MAP3K2: variants seen among roughly 807,000 people sequenced by gnomAD.
The protein encoded by MAP3K2 is mitogen-activated protein kinase kinase kinase 2.
Under a neutral mutation model 80.3 loss-of-function variants are expected in MAP3K2, and 24 were observed. The observed-to-expected ratio is 0.30, with a 90% CI of 0.22 to 0.42. The LOEUF (loss-of-function observed/expected upper bound fraction) is 0.42. MAP3K2 is among the 10% of genes least tolerant of loss of function. MAP3K2 has a pLI of 1.00. For synonymous variants in MAP3K2, 244 were observed against 253.7 expected (o/e 0.96, Z 0.36); for missense variants, 608 against 750.1 (o/e 0.81, Z 2.21).
chr2:127,364,716 T>C lies in MAP3K2; in HGVS notation c.-65-21522A>G, dbSNP rs537667868. On this transcript the variant is annotated intron_variant, in intron 1 of 16. Coordinates refer to ENST00000682094, the MANE Select transcript of MAP3K2 (RefSeq NM_001371910.2). The surrounding 1 kb of genome is among the most constrained non-coding windows in gnomAD (Gnocchi z 4.1). ...ACAATAACCTCAAATATAGGAACTA[T>C]GTCTTCTACTTTATTCTGCACTCAT... is the stretch of plus-strand genomic sequence containing the variant. 2.6e-5 allele frequency among the ~76,000 whole-genome samples: 4 copies of C among 152,344 alleles called. No individual in the cohort carries two copies. Among genetic ancestry groups the C allele is most frequent in the Non-Finnish European group, 4.4e-5 (3 of 68,034 alleles).
intron 5 of MAP3K2, among the ~76,000 whole-genome samples, chr2:127,335,073 T>A (rs1686338873): frequency 6.6e-6 from 1 of 152,210 alleles, no homozygotes; most frequent in Non-Finnish European, 1.5e-5. Context: ...TGGCCTACTT[T>A]ATGCATTTCT....
rs1685946917 is a variant in MAP3K2 at position 127,318,249 on chromosome 2, G to A, written c.1114C>T (p.Leu372Phe). Residue 372 changes from leucine (L) to phenylalanine (F), a missense_variant, in exon 13 of 17, where the codon CTC becomes TTC. Leu to Phe is a conservative substitution (Grantham distance 22). Transcript: ENST00000682094. The part of the protein sequence containing the change: ...LGQGAFGRVY[L>F]CYDVDTGREL... ...CTTCCTGTATCAACATCATAACAGA[G>A]GTAGACCCTTCCAAAGGCTCCTTGG... is the stretch of plus-strand genomic sequence containing the variant. 1 of 1,611,206 alleles carries A rather than the reference G, an allele frequency of 6.2e-7. No individual in the cohort carries two copies. The highest frequency in any genetic ancestry group is 2.2e-5 in the East Asian group (1 of 44,720).
intron 1 of MAP3K2, among the ~76,000 whole-genome samples, chr2:127,347,679 T>C (rs925576774): frequency 2.0e-5 from 3 of 152,122 alleles, no homozygotes; most frequent in Admixed American, 6.5e-5. Flanking sequence ...TATCTACAGA[T>C]TCAATGAACT....
Position 127,314,879 on chromosome 2 carries a change from G to GAA in MAP3K2, c.1329_1330dup (p.Ser444PhefsTer7). 6.2e-7 allele frequency: 1 copy of GAA among 1,600,288 alleles called. No individual in the cohort carries two copies. Among genetic ancestry groups the GAA allele is most frequent in the Non-Finnish European group, 8.5e-7 (1 of 1,172,542 alleles). On this transcript the variant is annotated frameshift_variant, in exon 15 of 17. Transcript: ENST00000682094. LOFTEE classifies it high-confidence loss of function. Reference sequence around the variant, plus strand: ...ATATGCTTTTAATTGGTCCTTAATTGAACCCTAGGAGAAAAGAAAACAAAA... The same window carrying GAA: ...ATATGCTTTTAATTGGTCCTTAATTGAAAACCCTAGGAGAAAAGAAAACAAAA...
At position 127,301,704 on chromosome 2, in the gene MAP3K2, C is replaced by T. The variant is rs770978050; in HGVS notation, c.*5875G>A. 6.6e-6 allele frequency: 1 copy of T among 152,156 alleles called. No individual in the cohort carries two copies. The highest frequency in any genetic ancestry group is 1.5e-5 in the Non-Finnish European group (1 of 68,022). The allele number at this position is 152,156 out of a possible 1,614,324, so 9.4% of individuals were successfully genotyped here. On this transcript the variant is annotated 3_prime_UTR_variant, in exon 17 of 17. Coordinates refer to ENST00000682094, the MANE Select transcript of MAP3K2 (RefSeq NM_001371910.2). ...CCATATGACTATCAATTAAAATGCA[C>T]AATTATGAAAAATAAGAATTCTATG...
chr2:127,324,014 G>T lies in MAP3K2; in HGVS notation c.746-20C>A. 1 of 1,214,622 alleles carries T rather than the reference G, an allele frequency of 8.2e-7. No homozygotes were observed. The highest frequency in any genetic ancestry group is 1.2e-6 in the Non-Finnish European group (1 of 863,806). 75.2% of individuals were successfully genotyped at this position (1,214,622 alleles called of 1,614,324 possible). ...CATAGTCTGTTAAGACATATAAGAT[G>T]GTTATCTTTTATTTAAAAAAAAAAG... On this transcript the variant is annotated intron_variant, in intron 10 of 16. Transcript: ENST00000682094.
intron 7 of MAP3K2, among the ~76,000 whole-genome samples, chr2:127,328,230 G>A (rs993076040): frequency 3.9e-5 from 6 of 152,180 alleles, no homozygotes; most frequent in Admixed American, 6.6e-5. Context: ...AGCTGAGACC[G>A]CGCCACTGTA....
At position 127,323,935 on chromosome 2, in the gene MAP3K2, G is replaced by A. The variant is rs1354524938; in HGVS notation, c.805C>T (p.His269Tyr). Residue 269 changes from histidine to tyrosine, a missense_variant, in exon 11 of 17, where the codon CAT (histidine) becomes TAT (tyrosine). Physicochemically the swap from His to Tyr is moderately conservative, Grantham distance 83 (BLOSUM62 2). Transcript: ENST00000682094. ...GKGGTYPRRY[H>Y]VSYHHQEYND... The stretch of plus-strand genomic sequence containing the variant: ...TACTCTTGATGATGATATGAAACAT[G>A]ATACCTTCTTGGATATGTTCCTCCT... The A allele has an allele frequency of 1.3e-6, 2 of 1,563,564 alleles. No individual in the cohort carries two copies. The highest frequency in any genetic ancestry group is 1.7e-6 in the Non-Finnish European group (2 of 1,145,680).
At chr2:127,331,798 G>T (rs1230106821) in intron 5 of MAP3K2, among the ~76,000 whole-genome samples, 2 of 152,156 alleles carry the variant, frequency 1.3e-5, no homozygotes, top group Non-Finnish European at 2.9e-5. Context: ...CAGAGACAGG[G>T]TTTCAACATG....
rs977655773 is a variant in MAP3K2 at position 127,387,636 on chromosome 2, T to C, written c.-250A>G. 90 of 984,982 alleles carry C rather than the reference T, an allele frequency of 9.1e-5. No homozygotes were observed. Among genetic ancestry groups the C allele is most frequent in the Middle Eastern group, 5.2e-4 (1 of 1,912 alleles). The allele number at this position is 984,982 out of a possible 1,614,324, so 61.0% of individuals were successfully genotyped here. The stretch of plus-strand genomic sequence containing the variant: ...GGCCTTGGGGCCAGGCCCGTCCCTC[T>C]TTCACATGAAGCCCGGGCCGGGCGG... On this transcript the variant is annotated 5_prime_UTR_variant, in exon 1 of 17. Coordinates refer to ENST00000682094, the MANE Select transcript of MAP3K2 (RefSeq NM_001371910.2).
intron 1 of MAP3K2, among the ~76,000 whole-genome samples, chr2:127,384,213 G>GATATATATATATATATATATATAT (rs35560058): frequency 7.6e-5 from 11 of 144,474 alleles, no homozygotes; most frequent in African/African-American, 2.6e-4. Context: ...ATTTTTAATT[G>GATATATATATATATATATATATAT]ATATATATAT....
At chr2:127,362,710 G>A (rs6735779) in intron 1 of MAP3K2, among the ~76,000 whole-genome samples, 26,862 of 152,168 alleles carry the variant, frequency 0.18, 2,898 homozygotes, top group South Asian at 0.34. Context: ...TAGCAATAAC[G>A]GCTGTCAGTG....
At position 127,305,740 on chromosome 2, in the gene MAP3K2, A is replaced by C. The variant is rs1232506073; in HGVS notation, c.*1839T>G. ...GCACTTGCTTTAACATGCTGAAAAA[A>C]ACTGCAAGTGGCCAAATTGCTGATA... On this transcript the variant is annotated 3_prime_UTR_variant, in exon 17 of 17. Coordinates refer to ENST00000682094, the MANE Select transcript of MAP3K2 (RefSeq NM_001371910.2). 6.6e-6 allele frequency: 1 copy of C among 152,130 alleles called. No individual in the cohort carries two copies. The allele number at this position is 152,130 out of a possible 1,614,324, so 9.4% of individuals were successfully genotyped here. A position where few individuals can be genotyped will look rare whatever the true frequency, so the allele number is the denominator to read the frequency against.
intron 1 of MAP3K2, among the ~76,000 whole-genome samples, chr2:127,357,723 G>T (rs1686820118): frequency 6.6e-6 from 1 of 152,088 alleles, no homozygotes; most frequent in South Asian, 2.1e-4. Context: ...AAGGGCTAAG[G>T]CTATTCAATG....
At chr2:127,324,884 G>A (rs117198382) in intron 9 of MAP3K2, among the ~76,000 whole-genome samples, 1 of 152,226 alleles carries the variant, frequency 6.6e-6, no homozygotes, top group East Asian at 1.9e-4. Flanking sequence ...TTCACATTTT[G>A]CAACTTTATC....
At chr2:127,374,661 T>G (rs563295918) in intron 1 of MAP3K2, among the ~76,000 whole-genome samples, 1 of 152,374 alleles carries the variant, frequency 6.6e-6, no homozygotes, top group South Asian at 2.1e-4. Flanking sequence ...ATGTATCCAT[T>G]GATACCAATT....
intron 1 of MAP3K2, among the ~76,000 whole-genome samples, chr2:127,346,677 C>A (rs1316314575): frequency 6.6e-6 from 1 of 152,134 alleles, no homozygotes; most frequent in Non-Finnish European, 1.5e-5. Context: ...ATGTAAAAAA[C>A]CACATTAACA....
rs941148381 is a variant in MAP3K2, at chr2:127,300,566, T to A, written c.*7013A>T. 6.6e-6 allele frequency: 1 copy of A among 152,198 alleles called. No individual in the cohort carries two copies. The highest frequency in any genetic ancestry group is 2.4e-5 in the African/African-American group (1 of 41,464). 9.4% of individuals were successfully genotyped at this position (152,198 alleles called of 1,614,324 possible). Reference sequence around the variant, plus strand: ...AGAACCATGTGAAATGTAAGAGATGTCAGACATTAAAAGTATTTTTGGTAT... The same window carrying A: ...AGAACCATGTGAAATGTAAGAGATGACAGACATTAAAAGTATTTTTGGTAT... On this transcript the variant is annotated 3_prime_UTR_variant, in exon 17 of 17. Transcript: ENST00000682094.
chr2:127,382,320 G>T (rs973225214), intron 1 of MAP3K2, among the ~76,000 whole-genome samples: 2 of 152,150 alleles, frequency 1.3e-5, no homozygotes, highest in Non-Finnish European at 2.9e-5. Flanking sequence ...GTTTCAAAGA[G>T]TTCAGCTGAA....
Sources: gnomAD v4.1 joint callset for allele counts (sites outside exome capture counted in the v4.1 genomes callset) on GRCh38, gnomAD v4.1.1 for gene constraint, Gnocchi (gnomAD v3.1) non-coding constraint, MANE v1.5 for transcripts, NCBI Gene and HGNC (gene_info 2026-07-23, HGNC 2026-07-21) for gene names.